Variants in LRRC28 observed in about 807,000 individuals in gnomAD.
LRRC28 encodes the protein leucine rich repeat containing 28.
In LRRC28, 39 loss-of-function variants were observed where a neutral mutation model predicts 45.7. The ratio of observed to expected loss-of-function variants is 0.85; its 90% CI spans 0.66 to 1.12. LRRC28 has a LOEUF of 1.12. Among genes scored for constraint, LRRC28 ranks in the 50% most tolerant of loss-of-function variants. The pLI, the probability that LRRC28 is intolerant of heterozygous loss-of-function variation, is 0.00. For synonymous variants in LRRC28, 206 were observed against 178.8 expected, an observed-to-expected ratio of 1.15 and a Z score of -1.22; for missense variants, 435 against 438.5, an observed-to-expected ratio of 0.99 and a Z score of 0.07.
intron 7 of LRRC28, among the ~76,000 whole-genome samples, chr15:99,356,743 T>C (rs1311041905): frequency 6.6e-6 from 1 of 152,128 alleles, no homozygotes; most frequent in Non-Finnish European, 1.5e-5. Context: ...AAGAAAACCA[T>C]GCGTAGGCAA....
chr15:99,306,132 G>GAT (rs1323261225), intron 5 of LRRC28, among the ~76,000 whole-genome samples: 2 of 152,198 alleles, frequency 1.3e-5, no homozygotes, highest in Non-Finnish European at 2.9e-5. Flanking sequence ...ATCTTATAAT[G>GAT]ATATAGCTTT....
Position 99,297,926 on chromosome 15 carries a change from C to T in LRRC28, c.385+9975C>T, listed in dbSNP as rs193172495. Among the ~76,000 whole-genome samples the T allele has an allele frequency of 2.3e-3, 354 of 151,862 alleles. 4 individuals are homozygous for T. The highest frequency in any genetic ancestry group is 8.0e-3 in the African/African-American group (330 of 41,440). ...AAGAAAAAAGGTTTTGTTTTCTGAA[C>T]GATGTGTCCTTCTCAGTGACAAATA... On this transcript the variant is annotated intron_variant, in intron 5 of 9. Coordinates refer to ENST00000301981, the MANE Select transcript of LRRC28 (RefSeq NM_144598.5).
chr15:99,352,763 T>G (rs1956926298), intron 7 of LRRC28, among the ~76,000 whole-genome samples: 1 of 152,172 alleles, frequency 6.6e-6, no homozygotes, highest in Non-Finnish European at 1.5e-5. Context: ...AAAATTGTAA[T>G]TATTTAAATG....
chr15:99,289,273 C>G (rs920304963), intron 5 of LRRC28, among the ~76,000 whole-genome samples: 4 of 152,042 alleles, frequency 2.6e-5, no homozygotes, highest in African/African-American at 9.7e-5. Flanking sequence ...AAATAAAAAA[C>G]TTATGCTTCA....
rs998172196 is a variant in LRRC28, at chr15:99,390,250, C to T, written c.*4148C>T. On this transcript the variant is annotated 3_prime_UTR_variant, in exon 10 of 10. Transcript: ENST00000301981. ...ATCATAGCCAAGTGACTGACATTCT[C>T]TCGGTCAGGAAAAGAGCTTGCTTCA... The T allele has an allele frequency of 1.3e-5, 2 of 152,216 alleles. No individual in the cohort carries two copies. Among genetic ancestry groups the T allele is most frequent in the African/African-American group, 4.8e-5 (2 of 41,438 alleles). 9.4% of individuals were successfully genotyped at this position (152,216 alleles called of 1,614,324 possible).
intron 2 of LRRC28, chr15:99,259,972 A>C: frequency 1.5e-6 from 1 of 646,014 alleles, no homozygotes; most frequent in South Asian, 1.7e-5. Context: ...CAGATGAAGA[A>C]AAACAAGAAA....
chr15:99,287,824 T>A lies in LRRC28; in HGVS notation c.258T>A (p.Ser86=), dbSNP rs979300489. ...CTTTTCTCTTTGAAGCCATTGGGTC[T>A]CTTGTAAAACTCCAATGTCTGGATC... ...NIVVVPEAIG[S]LVKLQCLDLS... The change falls in exon 5 of 10, where the codon TCT becomes TCA. Residue 86 remains serine, a synonymous_variant. Transcript: ENST00000301981. 10 of 1,610,754 alleles carry A rather than the reference T, an allele frequency of 6.2e-6. No individual in the cohort carries two copies. The highest frequency in any genetic ancestry group is 8.5e-6 in the Non-Finnish European group (10 of 1,178,408).
Position 99,320,116 on chromosome 15 carries a change from T to A in LRRC28, c.386-13807T>A, listed in dbSNP as rs184977964. Among the ~76,000 whole-genome samples, 250 of 152,310 alleles carry A rather than the reference T, an allele frequency of 1.6e-3. 1 individual carries two copies. The highest frequency in any genetic ancestry group is 2.9e-3 in the Admixed American group (45 of 15,294). Reference sequence around the variant, plus strand: ...GCCACCGTGCCCAGCCGGGAGCATTTTATTTTAAAGCTCCCAAATAATATT... The same window carrying A: ...GCCACCGTGCCCAGCCGGGAGCATTATATTTTAAAGCTCCCAAATAATATT... On this transcript the variant is annotated intron_variant, in intron 5 of 9. Transcript: ENST00000301981.
chr15:99,372,419 G>C (rs1235408454), intron 9 of LRRC28, among the ~76,000 whole-genome samples: 1 of 152,180 alleles, frequency 6.6e-6, no homozygotes, highest in Non-Finnish European at 1.5e-5. Flanking sequence ...TTAGCTCAAA[G>C]TGTTTCCCCA....
At chr15:99,373,368 A>G (rs1394824059) in intron 9 of LRRC28, among the ~76,000 whole-genome samples, 2 of 152,138 alleles carry the variant, frequency 1.3e-5, no homozygotes, top group African/African-American at 4.8e-5. Context: ...TTTTTTAAAA[A>G]AAATTATTTT....
At chr15:99,362,999 A>G (rs1425025063) in intron 8 of LRRC28, 107 bp from the exon 9 acceptor site, 1 of 1,192,708 alleles carries the variant, frequency 8.4e-7, no homozygotes, top group African/African-American at 1.5e-5. Context: ...TTCAACATGA[A>G]GTACTTTTAA....
intron 9 of LRRC28, among the ~76,000 whole-genome samples, chr15:99,370,457 C>T (rs543412832): frequency 8.8e-4 from 134 of 152,052 alleles, no homozygotes; most frequent in Non-Finnish European, 1.6e-3. Flanking sequence ...GGATGGAGCT[C>T]CAACTCTTTA....
At chr15:99,331,542 T>C (rs888747307) in intron 5 of LRRC28, among the ~76,000 whole-genome samples, 1 of 152,218 alleles carries the variant, frequency 6.6e-6, no homozygotes, top group African/African-American at 2.4e-5. Flanking sequence ...TCCATATCAT[T>C]GCTTTCTGCA....
intron 9 of LRRC28, among the ~76,000 whole-genome samples, chr15:99,370,424 T>G (rs1236348443): frequency 6.6e-6 from 1 of 152,098 alleles, no homozygotes; most frequent in Non-Finnish European, 1.5e-5. Flanking sequence ...ATGGTTTGGG[T>G]GTTTGCACTA....
At chr15:99,258,690 G>A (rs879118350) in intron 2 of LRRC28, 2 of 720,534 alleles carry the variant, frequency 2.8e-6, no homozygotes, top group East Asian at 5.7e-5. Context: ...AAAGCTTTCT[G>A]CAAATCATTT....
chr15:99,290,583 T>C (rs1314309554), intron 5 of LRRC28, among the ~76,000 whole-genome samples: 2 of 152,296 alleles, frequency 1.3e-5, no homozygotes, highest in African/African-American at 2.4e-5. Flanking sequence ...TTACATAAGA[T>C]ATACAACCAA....
intron 6 of LRRC28, among the ~76,000 whole-genome samples, chr15:99,348,634 A>G (rs147187117): frequency 1.6e-3 from 241 of 152,058 alleles, no homozygotes; most frequent in African/African-American, 5.7e-3. Flanking sequence ...ATGCCGCATC[A>G]TAGTGTTTTT....
chr15:99,252,760 T>C (rs1057458047), intron 1 of LRRC28, among the ~76,000 whole-genome samples: 1 of 152,244 alleles, frequency 6.6e-6, no homozygotes, highest in Non-Finnish European at 1.5e-5. Context: ...TTAGAAGGCC[T>C]ACTTTAAAAT....
intron 5 of LRRC28, among the ~76,000 whole-genome samples, chr15:99,292,453 T>C (rs1159337627): frequency 6.8e-6 from 1 of 148,004 alleles, no homozygotes. Flanking sequence ...CAAGCTCCGC[T>C]TCCCGGGTTC....
Sources: gnomAD v4.1 joint callset for allele counts (sites outside exome capture counted in the v4.1 genomes callset) on GRCh38, gnomAD v4.1.1 for gene constraint, MANE v1.5 for transcripts, NCBI Gene and HGNC (gene_info 2026-07-23, HGNC 2026-07-21) for gene names.